The following NDRG4 variants were observed in gnomAD, a reference collection of about 807,000 sequenced individuals.
NDRG4 encodes the protein protein NDRG4.
NDRG4 carries 38 observed loss-of-function variants against 55.8 expected under a neutral mutation model. The observed-to-expected ratio is 0.68, with a 90% CI of 0.53 to 0.89. The LOEUF (loss-of-function observed/expected upper bound fraction) is 0.89, where lower values mean the gene tolerates loss of function less well. Among genes scored for constraint, NDRG4 ranks in the 40% least tolerant of loss-of-function variants. The pLI is 0.00. For missense variants in NDRG4, 455 were observed against 468.6 expected (o/e 0.97, Z 0.27); for synonymous variants, 190 against 182.7 (o/e 1.04, Z -0.32).
chr16:58,477,641 G>A (rs2033842363), intron 1 of NDRG4, among the ~76,000 whole-genome samples: 1 of 151,488 alleles, frequency 6.6e-6, no homozygotes, highest in African/African-American at 2.4e-5. Context: ...AAGTGTAGAA[G>A]AGATTATGGA....
chr16:58,499,426 CT>C (rs1233287335), upstream of NDRG4: 3 of 152,446 alleles, frequency 2.0e-5, no homozygotes, highest in African/African-American at 7.2e-5. Flanking sequence ...CCTGGCCCTG[CT>C]ATCTGCCCAG....
chr16:58,509,844 G>A (rs765692371), intron 13 of NDRG4, among the ~76,000 whole-genome samples: 2 of 152,146 alleles, frequency 1.3e-5, no homozygotes, highest in Non-Finnish European at 1.5e-5. Context: ...GAAGGCAACT[G>A]GGGCCGCCTG....
chr16:58,514,614 C>T (rs1597372134), downstream of NDRG4, among the ~76,000 whole-genome samples: 1 of 151,848 alleles, frequency 6.6e-6, no homozygotes, highest in Admixed American at 6.6e-5. Context: ...TGGCAGCGTA[C>T]GCCTGTAGTC....
In NDRG4 at chr16:58,510,757, T is replaced by G. The variant is rs1415647431; in HGVS notation, c.904+74T>G. On this transcript the variant is annotated intron_variant, in intron 14 of 14. Coordinates refer to ENST00000570248, the MANE Select transcript of NDRG4 (RefSeq NM_001242835.2). ...CCCCCGCTCCTTCCTCTGCGCAGTG[T>G]GCTGCAGCCAGGCCGCATCTTGCTG... The G allele has an allele frequency of 2.2e-6, 3 of 1,368,700 alleles. No homozygotes were observed. In the African/African-American group the frequency reaches 4.3e-5, roughly 20 times the overall value. The allele number at this position is 1,368,700 out of a possible 1,614,324, so 84.8% of individuals were successfully genotyped here.
At chr16:58,505,724 T>C (rs1015460215) in intron 5 of NDRG4, among the ~76,000 whole-genome samples, 3 of 132,200 alleles carry the variant, frequency 2.3e-5, no homozygotes, top group African/African-American at 6.0e-5. Context: ...TTTTTTTTTT[T>C]TTTTTTTTTT....
rs1195037685 is a variant in NDRG4 at position 58,513,372 on chromosome 16, AAG to A, written c.*1799_*1800del. 4 of 152,228 alleles carry A rather than the reference AAG, an allele frequency of 2.6e-5. No individual in the cohort carries two copies. The highest frequency in any genetic ancestry group is 9.6e-5 in the African/African-American group (4 of 41,456). The allele number at this position is 152,228 out of a possible 1,614,324, so 9.4% of individuals were successfully genotyped here. A position where few individuals can be genotyped will look rare whatever the true frequency, so the allele number is the denominator to read the frequency against. ...AAAACAAAACTCTAGTCAACGTAGA[AAG>A]AGTTAACTGTGCTGAAAAACTAATA... is the stretch of plus-strand genomic sequence containing the variant. On this transcript the variant is annotated 3_prime_UTR_variant, in exon 15 of 15. Transcript: ENST00000570248.
At chr16:58,507,462 T>C in intron 8 of NDRG4, 1 of 387,964 alleles carries the variant, frequency 2.6e-6, no homozygotes, top group Non-Finnish European at 4.6e-6. Flanking sequence ...CTTCTACAAA[T>C]ATTAAGCACC....
At chr16:58,496,520 T>C (rs1280413263), upstream of NDRG4, among the ~76,000 whole-genome samples, 1 of 152,028 alleles carries the variant, frequency 6.6e-6, no homozygotes, top group East Asian at 1.9e-4. Flanking sequence ...GCAGGCGTTG[T>C]CACTGTCCCC....
chr16:58,472,980 G>A (rs1181867164), intron 1 of NDRG4, among the ~76,000 whole-genome samples: 2 of 152,088 alleles, frequency 1.3e-5, no homozygotes, highest in African/African-American at 4.8e-5. Flanking sequence ...GGGGCTCAGT[G>A]CTGGGACATC....
intron 8 of NDRG4, chr16:58,507,534 A>C: frequency 2.0e-6 from 1 of 502,510 alleles, no homozygotes; most frequent in South Asian, 3.8e-5. Context: ...AGGGCCTGCC[A>C]TCCCATATGG....
intron 1 of NDRG4, among the ~76,000 whole-genome samples, chr16:58,482,485 G>A (rs569486223): frequency 8.5e-5 from 13 of 152,230 alleles, no homozygotes; most frequent in African/African-American, 2.9e-4. Flanking sequence ...AGAGTGGGGA[G>A]TGATCCTTCA....
chr16:58,475,537 C>T (rs771180985), intron 1 of NDRG4: 19 of 447,710 alleles, frequency 4.2e-5, no homozygotes, highest in Non-Finnish European at 7.6e-5. Context: ...TTTAGATTAG[C>T]TTCAGCTGTG....
Position 58,504,294 on chromosome 16 carries a change from T to C in NDRG4, c.248+20T>C. 1 of 1,614,028 alleles carries C rather than the reference T, an allele frequency of 6.2e-7. No individual in the cohort carries two copies. The highest frequency in any genetic ancestry group is 8.5e-7 in the Non-Finnish European group (1 of 1,179,984). On this transcript the variant is annotated intron_variant, in intron 3 of 14. Transcript: ENST00000570248. ...TCAGGGGTAGGTACCCTGAGCCCCC[T>C]CTGCCTGTCTCCAGCTCTGCACCTG...
chr16:58,491,621 C>T (rs190242793), intron 2 of NDRG4, among the ~76,000 whole-genome samples: 6 of 150,630 alleles, frequency 4.0e-5, no homozygotes, highest in South Asian at 2.1e-4. Flanking sequence ...CCACCACACC[C>T]GGCTAATTTT....
chr16:58,504,789 A>G (rs2037635860), intron 5 of NDRG4, 140 bp downstream of exon 5: 2 of 804,836 alleles, frequency 2.5e-6, no homozygotes, highest in Non-Finnish European at 2.0e-6. Context: ...CTCTTTATGT[A>G]GAAAACCTCT....
At position 58,511,408 on chromosome 16, in the gene NDRG4, GTC is replaced by G. The variant is rs1170661156; in HGVS notation, c.905-10_905-9del. 1.3e-6 allele frequency: 2 copies of G among 1,595,614 alleles called. No individual in the cohort carries two copies. The highest frequency in any genetic ancestry group is 3.4e-5 in the Admixed American group (2 of 59,356). On this transcript the variant is annotated splice_polypyrimidine_tract_variant and intron_variant, in intron 14 of 14. Coordinates refer to ENST00000570248, the MANE Select transcript of NDRG4 (RefSeq NM_001242835.2). ...GCCCGCCAGTCCTCAGGCCCATCCT[GTC>G]TCTGTCCACAGTGCCCTCAGCCAGC...
At chr16:58,507,519 G>C (rs548768407) in intron 8 of NDRG4, 18 of 491,466 alleles carry the variant, frequency 3.7e-5, no homozygotes, top group African/African-American at 2.1e-4. Context: ...AGAATAGAGA[G>C]ACCCAGGGCC....
chr16:58,499,972 G>C (rs1450398067), upstream of NDRG4: 10 of 692,876 alleles, frequency 1.4e-5, no homozygotes, highest in East Asian at 2.9e-4. Flanking sequence ...GACAGGGCTG[G>C]GGCAAGGAGG....
rs369883996 is a variant in NDRG4, at chr16:58,483,375, AAAG to A, written c.-23-4374_-23-4372del. On this transcript the variant is annotated intron_variant, in intron 1 of 15. Coordinates refer to the NDRG4 transcript ENST00000258187. ...GTGCTCCTGTTTGCCTTTAAAAAAA[AAAG>A]AAGAAGGAGAAAAGGAGAAAAAACA... is the stretch of plus-strand genomic sequence containing the variant. Among the ~76,000 whole-genome samples the A allele has an allele frequency of 6.8e-3, 1,039 of 152,230 alleles. 10 individuals carry two copies. Among genetic ancestry groups the A allele is most frequent in the African/African-American group, 0.015 (638 of 41,536 alleles).
Sources: allele counts gnomAD v4.1 joint callset (sites outside exome capture counted in the v4.1 genomes callset), GRCh38; gene constraint gnomAD v4.1.1; transcripts MANE v1.5; gene names NCBI Gene and HGNC (gene_info 2026-07-23, HGNC 2026-07-21).